CAMTA1: variants seen among roughly 807,000 people sequenced by gnomAD.
CAMTA1 encodes calmodulin binding transcription activator 1.
A neutral mutation model predicts 170.9 loss-of-function variants in CAMTA1; 27 were observed. The ratio of observed to expected loss-of-function variants is 0.16; its 90% CI spans 0.12 to 0.22. The LOEUF (loss-of-function observed/expected upper bound fraction) is 0.22. Ranked by LOEUF, CAMTA1 falls within the 10% of genes least tolerant of loss-of-function variation. CAMTA1 has a pLI of 1.00. For missense variants in CAMTA1, 1,619 were observed against 2,217.2 expected, an observed-to-expected ratio of 0.73 and a Z score of 5.42; for synonymous variants, 833 against 891.5, an observed-to-expected ratio of 0.93 and a Z score of 1.17.
chr1:7,295,809 G>T (rs1673844703), intron 5 of CAMTA1, among the ~76,000 whole-genome samples: 2 of 152,194 alleles, frequency 1.3e-5, no homozygotes, highest in South Asian at 4.2e-4. Context: ...ATAGAGCAGG[G>T]TGTATTGGTT....
chr1:6,901,494 C>T (rs578006016), intron 3 of CAMTA1, among the ~76,000 whole-genome samples: 2 of 152,264 alleles, frequency 1.3e-5, no homozygotes, highest in African/African-American at 4.8e-5. Flanking sequence ...ATAAGGGATC[C>T]ATAATGTATG....
At chr1:6,883,938 G>T (rs1417874790) in intron 3 of CAMTA1, among the ~76,000 whole-genome samples, 1 of 152,080 alleles carries the variant, frequency 6.6e-6, no homozygotes, top group African/African-American at 2.4e-5. Flanking sequence ...AAATTGAGAA[G>T]TTACTTATTT....
intron 6 of CAMTA1, among the ~76,000 whole-genome samples, chr1:7,559,271 G>A (rs1057041301): frequency 6.6e-5 from 10 of 152,114 alleles, no homozygotes; most frequent in African/African-American, 1.9e-4. Context: ...CCACCCAGAA[G>A]CCCCGTCCTT....
chr1:6,886,899 A>G (rs1673392389), intron 3 of CAMTA1, among the ~76,000 whole-genome samples: 1 of 152,202 alleles, frequency 6.6e-6, no homozygotes, highest in Non-Finnish European at 1.5e-5. Flanking sequence ...ACTTGTTAGG[A>G]TGTTACATTA....
At chr1:7,016,222 G>T (rs1024257057) in intron 3 of CAMTA1, among the ~76,000 whole-genome samples, 1 of 152,174 alleles carries the variant, frequency 6.6e-6, no homozygotes, top group African/African-American at 2.4e-5. Flanking sequence ...CGTGAGAGCC[G>T]TCTGAGTTGG....
intron 6 of CAMTA1, among the ~76,000 whole-genome samples, chr1:7,627,397 C>T (rs745404385): frequency 6.6e-6 from 1 of 152,198 alleles, no homozygotes; most frequent in South Asian, 2.1e-4. Context: ...GAAACTTTGT[C>T]CTTAGCAATA....
intron 3 of CAMTA1, among the ~76,000 whole-genome samples, chr1:6,897,281 C>T (rs1054852868): frequency 3.3e-5 from 5 of 152,154 alleles, no homozygotes; most frequent in Non-Finnish European, 7.3e-5. Context: ...TTTTGACCAA[C>T]ATATGGATGG....
At position 7,091,377 on chromosome 1, in the gene CAMTA1, G is replaced by A; in HGVS notation, c.302+6G>A. On this transcript the variant is annotated splice_donor_region_variant and intron_variant, in intron 4 of 22. Transcript: ENST00000303635. ...ACCACCTCCCCTAAGACAAGGTAAT[G>A]TCCCAGATCTTGCAGTTTTTCAAAT... 1.9e-6 allele frequency: 3 copies of A among 1,607,152 alleles called. No homozygotes were observed. Among genetic ancestry groups the A allele is most frequent in the Non-Finnish European group, 2.6e-6 (3 of 1,173,652 alleles).
intron 5 of CAMTA1, among the ~76,000 whole-genome samples, chr1:7,370,910 C>CTTTTTTTT (rs1557605211): frequency 3.2e-5 from 1 of 31,078 alleles, no homozygotes; most frequent in Non-Finnish European, 6.1e-5. Context: ...CTTTTTCTTT[C>CTTTTTTTT]TTTCTTTTTT....
Position 7,170,396 on chromosome 1 carries a change from C to T in CAMTA1, c.302+79025C>T, listed in dbSNP as rs148386857. ...ATGTTCCATGGTGGTTTGCTGCACC[C>T]GTCAACCCATCATCTAGGTTTTAAG... On this transcript the variant is annotated intron_variant, in intron 4 of 22. Coordinates refer to ENST00000303635, the MANE Select transcript of CAMTA1 (RefSeq NM_015215.4). 7.6e-3 allele frequency among the ~76,000 whole-genome samples: 1,154 copies of T among 151,730 alleles called. 9 individuals carry two copies. The highest frequency in any genetic ancestry group is 0.014 in the Non-Finnish European group (948 of 67,952).
intron 5 of CAMTA1, among the ~76,000 whole-genome samples, chr1:7,446,513 G>C (rs904793662): frequency 6.6e-6 from 1 of 152,178 alleles, no homozygotes; most frequent in Non-Finnish European, 1.5e-5. Context: ...GGGAACACAC[G>C]CCTGGCCACC....
chr1:7,703,218 C>T (rs1326534647), intron 11 of CAMTA1, among the ~76,000 whole-genome samples: 1 of 151,848 alleles, frequency 6.6e-6, no homozygotes, highest in Non-Finnish European at 1.5e-5. Context: ...TTGATGAATG[C>T]ATAGGAGTCT....
chr1:7,373,608 T>G (rs1400161391), intron 5 of CAMTA1, among the ~76,000 whole-genome samples: 1 of 152,216 alleles, frequency 6.6e-6, no homozygotes, highest in African/African-American at 2.4e-5. Context: ...CCCAAAACAA[T>G]GATCACCTGC....
intron 3 of CAMTA1, among the ~76,000 whole-genome samples, chr1:6,867,705 AT>A (rs1290834665): frequency 6.6e-6 from 1 of 152,272 alleles, no homozygotes; most frequent in African/African-American, 2.4e-5. Context: ...GCTCAAGTGC[AT>A]TTTTTTGTTG....
chr1:7,071,960 C>T (rs1278572837), intron 3 of CAMTA1, among the ~76,000 whole-genome samples: 2 of 152,130 alleles, frequency 1.3e-5, no homozygotes, highest in African/African-American at 4.8e-5. Flanking sequence ...GGGTGATTTC[C>T]CCAGTGGTGA....
intron 4 of CAMTA1, among the ~76,000 whole-genome samples, chr1:7,128,659 AT>A (rs753333323): frequency 0.018 from 2,529 of 140,068 alleles, 40 homozygotes; most frequent in African/African-American, 0.051. Flanking sequence ...GATTAGCCCT[AT>A]TTTTTTTTTT....
chr1:7,162,650 T>A (rs1266897163), intron 4 of CAMTA1, among the ~76,000 whole-genome samples: 1 of 152,252 alleles, frequency 6.6e-6, no homozygotes, highest in Non-Finnish European at 1.5e-5. Context: ...ACTTTGTTCC[T>A]TTCTATGGCT....
At chr1:6,861,171 T>C (rs1664545353) in intron 3 of CAMTA1, among the ~76,000 whole-genome samples, 1 of 151,992 alleles carries the variant, frequency 6.6e-6, no homozygotes, top group Admixed American at 6.5e-5. Context: ...GTCCAGGCTG[T>C]TCTTGAACTC....
intron 7 of CAMTA1, among the ~76,000 whole-genome samples, chr1:7,655,101 C>G (rs1470113765): frequency 9.6e-5 from 1 of 10,378 alleles, no homozygotes; most frequent in African/African-American, 5.3e-4. Context: ...TACACACACA[C>G]CTATACACAC....
Sources: allele counts gnomAD v4.1 joint callset (sites outside exome capture counted in the v4.1 genomes callset), GRCh38; gene constraint gnomAD v4.1.1; transcripts MANE v1.5; gene names NCBI Gene and HGNC (gene_info 2026-07-23, HGNC 2026-07-21).